Variants in CCNY observed in about 807,000 individuals in gnomAD.
The protein encoded by CCNY is cyclin Y.
Under a neutral mutation model 42.8 loss-of-function variants are expected in CCNY, and 19 were observed. The ratio of observed to expected loss-of-function variants is 0.44; its 90% CI spans 0.31 to 0.65. The LOEUF (loss-of-function observed/expected upper bound fraction) is 0.65, where lower values mean the gene tolerates loss of function less well. CCNY is among the 30% of genes least tolerant of loss of function. The probability of loss-of-function intolerance (pLI) is 0.07; values close to 1 mark genes in which losing one functional copy is unlikely to be tolerated. For synonymous variants in CCNY, 165 were observed against 162.7 expected, an observed-to-expected ratio of 1.01 and a Z score of -0.11; for missense variants, 370 against 437.3, an observed-to-expected ratio of 0.85 and a Z score of 1.37.
intron 8 of CCNY, among the ~76,000 whole-genome samples, chr10:35,563,842 G>A (rs940803369): frequency 1.3e-5 from 2 of 150,592 alleles, no homozygotes; most frequent in South Asian, 4.2e-4. Flanking sequence ...GAGTAGCTGG[G>A]ATATTAGAGG....
chr10:35,323,742 G>C (rs952998697), intron 3 of CCNY, among the ~76,000 whole-genome samples: 1 of 151,868 alleles, frequency 6.6e-6, no homozygotes, highest in African/African-American at 2.4e-5. Context: ...ACTGTGGCCT[G>C]GCGTGGTGGC....
chr10:35,281,206 C>T (rs1302039448), intron 3 of CCNY, among the ~76,000 whole-genome samples: 1 of 152,058 alleles, frequency 6.6e-6, no homozygotes, highest in Admixed American at 6.6e-5. Flanking sequence ...ACCATTTGAC[C>T]CACCAATTTC....
intron 2 of CCNY, among the ~76,000 whole-genome samples, chr10:35,487,557 A>C (rs1839813322): frequency 6.6e-6 from 1 of 152,162 alleles, no homozygotes. Flanking sequence ...GCATGATGTC[A>C]TCAGAGTTTT....
At chr10:35,538,808 G>A (rs962703278) in intron 7 of CCNY, among the ~76,000 whole-genome samples, 1 of 152,126 alleles carries the variant, frequency 6.6e-6, no homozygotes, top group Non-Finnish European at 1.5e-5. Context: ...TTTTCACAAA[G>A]CCCAATGTAT....
intron 8 of CCNY, among the ~76,000 whole-genome samples, chr10:35,561,261 G>T (rs971028432): frequency 6.6e-6 from 1 of 152,216 alleles, no homozygotes. Flanking sequence ...TGAGGGTGGG[G>T]TGGGAGGCGT....
chr10:35,555,401 A>G (rs1437834426), intron 8 of CCNY, among the ~76,000 whole-genome samples: 5 of 152,230 alleles, frequency 3.3e-5, no homozygotes, highest in African/African-American at 1.2e-4. Flanking sequence ...CTAGGTACTT[A>G]GGTTGTATTC....
chr10:35,529,526 A>G (rs892169859), intron 5 of CCNY, among the ~76,000 whole-genome samples: 6 of 152,200 alleles, frequency 3.9e-5, no homozygotes, highest in Non-Finnish European at 2.9e-5. Flanking sequence ...AAGAAAAATC[A>G]TTATTCATGA....
At chr10:35,463,738 T>A (rs1839202464) in intron 1 of CCNY, among the ~76,000 whole-genome samples, 1 of 152,204 alleles carries the variant, frequency 6.6e-6, no homozygotes, top group South Asian at 2.1e-4. Context: ...GGCAAAGAAA[T>A]CAAAGGCTCT....
chr10:35,304,974 T>C (rs1835589496), intron 3 of CCNY, among the ~76,000 whole-genome samples: 1 of 151,944 alleles, frequency 6.6e-6, no homozygotes, highest in African/African-American at 2.4e-5. Flanking sequence ...TGTTGCCGTG[T>C]TGCACAGTAT....
chr10:35,331,939 G>A (rs964284564), upstream of CCNY, among the ~76,000 whole-genome samples: 1 of 152,194 alleles, frequency 6.6e-6, no homozygotes, highest in African/African-American at 2.4e-5. Flanking sequence ...AGTTTCTCCA[G>A]AATGGAAACT....
intron 1 of CCNY, chr10:35,394,852 A>G (rs1837488494): frequency 3.0e-6 from 3 of 985,322 alleles, no homozygotes; most frequent in Non-Finnish European, 3.6e-6. Flanking sequence ...AAAGTGTTTC[A>G]TCACGGGCCC....
chr10:35,363,848 G>T (rs1263015723), intron 1 of CCNY, among the ~76,000 whole-genome samples: 1 of 152,212 alleles, frequency 6.6e-6, no homozygotes, highest in Non-Finnish European at 1.5e-5. Flanking sequence ...ATTCAGAGTT[G>T]ACCCTGAGTC....
intron 8 of CCNY, among the ~76,000 whole-genome samples, chr10:35,560,177 T>C (rs1278086968): frequency 6.6e-6 from 1 of 152,070 alleles, no homozygotes; most frequent in East Asian, 1.9e-4. Flanking sequence ...GACTTAGAGA[T>C]GGAGCGGGAA....
At chr10:35,492,050 C>T (rs868559287) in intron 2 of CCNY, among the ~76,000 whole-genome samples, 2 of 152,142 alleles carry the variant, frequency 1.3e-5, no homozygotes, top group East Asian at 1.9e-4. Flanking sequence ...CCTGGACTCT[C>T]GTTTCCTCCT....
At chr10:35,483,722 G>A (rs1033648829) in intron 2 of CCNY, among the ~76,000 whole-genome samples, 3 of 152,106 alleles carry the variant, frequency 2.0e-5, no homozygotes. Context: ...TACATACATT[G>A]TGTCATGGGA....
At chr10:35,474,262 C>T (rs1184421170) in intron 1 of CCNY, among the ~76,000 whole-genome samples, 1 of 152,240 alleles carries the variant, frequency 6.6e-6, no homozygotes, top group Admixed American at 6.5e-5. Flanking sequence ...GTAAACACAG[C>T]AGCCTGGAAG....
chr10:35,529,834 C>T (rs1840727343), intron 5 of CCNY, 139 bp from the exon 6 acceptor site: 5 of 718,968 alleles, frequency 7.0e-6, no homozygotes, highest in Non-Finnish European at 1.1e-5. Flanking sequence ...GGCGCCACTG[C>T]ACTCCAGCCT....
rs10558250 is a variant in CCNY at position 35,412,860 on chromosome 10, C to CAAAAAAA, written c.155-70522_155-70516dup. On this transcript the variant is annotated intron_variant, in intron 1 of 9. Transcript: ENST00000374704. ...TGGGCGACAGAGCGAGACTCTGTCT[C>CAAAAAAA]AAAAAAAAAAAAAAAAAAAAAAAAA... Among the ~76,000 whole-genome samples the CAAAAAAA allele has an allele frequency of 4.0e-4, 14 of 34,766 alleles. 1 individual carries two copies. Among genetic ancestry groups the CAAAAAAA allele is most frequent in the African/African-American group, 1.1e-3 (11 of 9,896 alleles). The allele number at this position is 34,766 out of a possible 152,430, so 22.8% of individuals were successfully genotyped here.
chr10:35,537,432 A>G (rs1840909030), intron 7 of CCNY, among the ~76,000 whole-genome samples: 1 of 152,214 alleles, frequency 6.6e-6, no homozygotes, highest in Non-Finnish European at 1.5e-5. Flanking sequence ...CCAGAATGGT[A>G]GATCCACCAG....
Sources: allele counts gnomAD v4.1 joint callset (sites outside exome capture counted in the v4.1 genomes callset), GRCh38; gene constraint gnomAD v4.1.1; transcripts MANE v1.5; gene names NCBI Gene and HGNC (gene_info 2026-07-23, HGNC 2026-07-21).